Variants in EPHA7 observed in about 807,000 individuals in gnomAD.
The protein encoded by EPHA7 is EPH receptor A7.
Under a neutral mutation model 112.6 loss-of-function variants are expected in EPHA7, and 25 were observed. The ratio of observed to expected loss-of-function variants is 0.22; its 90% CI spans 0.16 to 0.31. The LOEUF (loss-of-function observed/expected upper bound fraction) is 0.31, where lower values mean the gene tolerates loss of function less well. Among genes scored for constraint, EPHA7 ranks in the 10% least tolerant of loss-of-function variants. EPHA7 has a pLI of 1.00. For synonymous variants in EPHA7, 437 were observed against 406.5 expected (o/e 1.07, Z -0.90); for missense variants, 962 against 1,212.6 (o/e 0.79, Z 3.07).
At chr6:93,389,743 A>C (rs1349872850) in intron 3 of EPHA7, among the ~76,000 whole-genome samples, 1 of 152,030 alleles carries the variant, frequency 6.6e-6, no homozygotes, top group East Asian at 1.9e-4. Context: ...AGAAATTAAA[A>C]AGATGAAAGT....
At chr6:93,271,303 T>C (rs1338603018) in intron 6 of EPHA7, among the ~76,000 whole-genome samples, 1 of 151,868 alleles carries the variant, frequency 6.6e-6, no homozygotes, top group Non-Finnish European at 1.5e-5. Flanking sequence ...AAGGTATCTA[T>C]TGCCAATGTA....
chr6:93,372,956 G>C (rs1446904927), intron 3 of EPHA7, among the ~76,000 whole-genome samples: 2 of 151,922 alleles, frequency 1.3e-5, no homozygotes, highest in East Asian at 3.9e-4. Context: ...AAAGGAGATG[G>C]AGAATTCTGA....
chr6:93,364,564 T>C (rs929673805), intron 3 of EPHA7, among the ~76,000 whole-genome samples: 1 of 150,264 alleles, frequency 6.7e-6, no homozygotes, highest in Non-Finnish European at 1.5e-5. Flanking sequence ...AATTCATCAG[T>C]AATGTACCTT....
At chr6:93,355,447 G>C (rs1204488538) in intron 5 of EPHA7, among the ~76,000 whole-genome samples, 1 of 152,148 alleles carries the variant, frequency 6.6e-6, no homozygotes, top group East Asian at 1.9e-4. Flanking sequence ...TCTGTGTCCA[G>C]GAATTTGGGA....
intron 5 of EPHA7, among the ~76,000 whole-genome samples, chr6:93,326,740 C>G (rs1774340606): frequency 6.6e-6 from 1 of 150,530 alleles, no homozygotes; most frequent in Admixed American, 6.7e-5. Context: ...TTGTCTATTT[C>G]ATACTAACAC....
intron 6 of EPHA7, among the ~76,000 whole-genome samples, chr6:93,271,765 A>T (rs545966728): frequency 6.6e-6 from 1 of 152,040 alleles, no homozygotes; most frequent in African/African-American, 2.4e-5. Context: ...TTATTAAAAC[A>T]TATATAAAAT....
At position 93,262,008 on chromosome 6, in the gene EPHA7, A is replaced by G. The variant is rs9445090; in HGVS notation, c.1798+1852T>C. On this transcript the variant is annotated intron_variant, in intron 9 of 16. Transcript: ENST00000369303. ...ACTGGGGGATATTTCAAATATGCTC[A>G]ATAAATAAAAGAAAAGTGACATACT... Among the ~76,000 whole-genome samples, 909 of 151,610 alleles carry G rather than the reference A, an allele frequency of 6.0e-3. 11 individuals carry two copies. The highest frequency in any genetic ancestry group is 0.021 in the African/African-American group (879 of 41,486).
At chr6:93,407,613 G>A (rs1378253215) in intron 3 of EPHA7, among the ~76,000 whole-genome samples, 1 of 152,058 alleles carries the variant, frequency 6.6e-6, no homozygotes, top group South Asian at 2.1e-4. Flanking sequence ...AAACCATAAG[G>A]CAGCATCTTG....
chr6:93,330,936 T>C (rs992560769), intron 5 of EPHA7, among the ~76,000 whole-genome samples: 1 of 151,432 alleles, frequency 6.6e-6, no homozygotes, highest in African/African-American at 2.4e-5. Context: ...TAACTGATCT[T>C]AGGACTTTGC....
chr6:93,418,937 C>A (rs1002165570), intron 1 of EPHA7, among the ~76,000 whole-genome samples: 1 of 152,202 alleles, frequency 6.6e-6, no homozygotes, highest in African/African-American at 2.4e-5. Context: ...GAAATAAGCT[C>A]GCCGGCAGTT....
chr6:93,366,655 C>T (rs747743436), intron 3 of EPHA7, among the ~76,000 whole-genome samples: 9 of 152,130 alleles, frequency 5.9e-5, no homozygotes, highest in Non-Finnish European at 1.3e-4. Flanking sequence ...CACGGCACCC[C>T]TGATGGTGTC....
chr6:93,247,704 T>C (rs369259729), intron 14 of EPHA7, among the ~76,000 whole-genome samples: 12 of 152,260 alleles, frequency 7.9e-5, no homozygotes, highest in African/African-American at 2.9e-4. Context: ...TTTATCAGCA[T>C]ACCACTGCCT....
chr6:93,309,247 C>A (rs1174438267), intron 5 of EPHA7, among the ~76,000 whole-genome samples: 1 of 152,192 alleles, frequency 6.6e-6, no homozygotes, highest in African/African-American at 2.4e-5. Context: ...CCGCACCCAG[C>A]CTCAAACATC....
chr6:93,340,218 AT>A (rs1203408623), intron 5 of EPHA7, among the ~76,000 whole-genome samples: 8 of 151,846 alleles, frequency 5.3e-5, no homozygotes, highest in African/African-American at 1.9e-4. Context: ...ACGTGTGTAT[AT>A]GTGTATGTGC....
chr6:93,278,648 T>C (rs911764478), intron 5 of EPHA7, among the ~76,000 whole-genome samples: 5 of 152,070 alleles, frequency 3.3e-5, no homozygotes, highest in Admixed American at 1.3e-4. Flanking sequence ...ATTAGATAGA[T>C]AGACAGATGG....
intron 5 of EPHA7, among the ~76,000 whole-genome samples, chr6:93,336,530 G>A (rs527311519): frequency 2.6e-5 from 4 of 152,214 alleles, no homozygotes; most frequent in Non-Finnish European, 5.9e-5. Context: ...AGCCTCCCGA[G>A]TAGCTGGGAC....
intron 5 of EPHA7, among the ~76,000 whole-genome samples, chr6:93,280,982 T>G (rs1771707545): frequency 6.6e-6 from 1 of 152,140 alleles, no homozygotes; most frequent in Non-Finnish European, 1.5e-5. Flanking sequence ...AATAATTCCT[T>G]TAAATCTTTT....
At chr6:93,243,578 C>A in intron 16 of EPHA7, 38 bp from the exon 17 acceptor site, 4 of 1,384,956 alleles carry the variant, frequency 2.9e-6, no homozygotes, top group Non-Finnish European at 3.1e-6. Context: ...AGGTACCTTA[C>A]AAAGAATAAA....
chr6:93,268,190 T>C (rs10806474), intron 7 of EPHA7, among the ~76,000 whole-genome samples: 36,022 of 151,530 alleles, frequency 0.24, 4,609 homozygotes, highest in East Asian at 0.5. Context: ...AATTATGTAG[T>C]AAATTTTTAA....
Sources: gnomAD v4.1 joint callset for allele counts (sites outside exome capture counted in the v4.1 genomes callset) on GRCh38, gnomAD v4.1.1 for gene constraint, MANE v1.5 for transcripts, NCBI Gene and HGNC (gene_info 2026-07-23, HGNC 2026-07-21) for gene names.